TRIML2: variants seen among roughly 807,000 people sequenced by gnomAD.
TRIML2 encodes tripartite motif family like 2.
In TRIML2, 28 loss-of-function variants were observed where a neutral mutation model predicts 31.2. That is an observed-to-expected ratio of 0.90 (90% CI 0.66 to 1.23). The LOEUF (loss-of-function observed/expected upper bound fraction) is 1.23. Ranked by LOEUF, TRIML2 falls within the 50% of genes most tolerant of loss-of-function variation. The pLI, the probability that TRIML2 is intolerant of heterozygous loss-of-function variation, is 0.00. For synonymous variants in TRIML2, 187 were observed against 197.5 expected, an observed-to-expected ratio of 0.95 and a Z score of 0.45; for missense variants, 536 against 528.3, an observed-to-expected ratio of 1.01 and a Z score of -0.14.
At chr4:188,100,746 C>T (rs1026774658) in intron 4 of TRIML2, among the ~76,000 whole-genome samples, 9 of 152,104 alleles carry the variant, frequency 5.9e-5, no homozygotes, top group African/African-American at 2.2e-4. Context: ...GAATTCTAAA[C>T]CATGGCTCTA....
chr4:188,093,893 G>A (rs1733379895), intron 7 of TRIML2, among the ~76,000 whole-genome samples: 1 of 151,402 alleles, frequency 6.6e-6, no homozygotes, highest in African/African-American at 2.4e-5. Flanking sequence ...TCACGAGGTT[G>A]GGAGTTCGAG....
chr4:188,102,239 A>G (rs1350017542), intron 3 of TRIML2, among the ~76,000 whole-genome samples: 1 of 151,882 alleles, frequency 6.6e-6, no homozygotes, highest in Non-Finnish European at 1.5e-5. Context: ...GGCCAATGGG[A>G]TTTGCTGATG....
chr4:188,093,698 G>A (rs10780075), intron 7 of TRIML2, among the ~76,000 whole-genome samples: 22,148 of 151,878 alleles, frequency 0.15, 2,342 homozygotes, highest in East Asian at 0.56. Flanking sequence ...AACAACAGGA[G>A]TATCTCAAGA....
chr4:188,104,795 C>T, intron 3 of TRIML2, 42 bp downstream of exon 3: 1 of 1,441,518 alleles, frequency 6.9e-7, no homozygotes, highest in Non-Finnish European at 9.8e-7. Flanking sequence ...AACAACATTA[C>T]TGGTAATTTC....
At position 188,102,985 on chromosome 4, in the gene TRIML2, C is replaced by A. The variant is rs569874928; in HGVS notation, c.286-1735G>T. 1.2e-4 allele frequency among the ~76,000 whole-genome samples: 18 copies of A among 151,574 alleles called. 1 individual carries two copies. The highest frequency in any genetic ancestry group is 4.4e-4 in the African/African-American group (18 of 41,374). ...GCAAGTCCCTTTGCACGTCTCTCCA[C>A]CTCTGCTTTTACTCTCTTGGTTTTT... On this transcript the variant is annotated intron_variant, in intron 3 of 7. Coordinates refer to ENST00000682553, the MANE Select transcript of TRIML2 (RefSeq NM_173553.4).
chr4:188,102,804 G>A (rs527722112), intron 3 of TRIML2, among the ~76,000 whole-genome samples: 4 of 148,980 alleles, frequency 2.7e-5, no homozygotes, highest in Non-Finnish European at 5.9e-5. Flanking sequence ...AGCCGAGATC[G>A]CGTCACTGAA....
intron 7 of TRIML2, chr4:188,092,918 A>G (rs986838413): frequency 4.4e-6 from 2 of 456,268 alleles, no homozygotes; most frequent in Non-Finnish European, 8.8e-6. Context: ...TGGTCCTGGG[A>G]CTTCTTCTTT....
intron 1 of TRIML2, chr4:188,106,573 C>G (rs935447192): frequency 6.5e-6 from 1 of 154,906 alleles, no homozygotes; most frequent in Non-Finnish European, 1.4e-5. Flanking sequence ...GTTCTTGGTC[C>G]GCGCCCCGGA....
At chr4:188,100,954 A>T in intron 4 of TRIML2, 102 bp downstream of exon 4, 1 of 1,030,544 alleles carries the variant, frequency 9.7e-7, no homozygotes, top group Admixed American at 2.8e-5. Flanking sequence ...CATTTAATAC[A>T]TGTGTGGTTG....
intron 3 of TRIML2, among the ~76,000 whole-genome samples, chr4:188,103,260 A>G (rs1390594540): frequency 6.6e-6 from 1 of 152,040 alleles, no homozygotes. Context: ...TCGGCCTCCC[A>G]AAGTGCTGGG....
chr4:188,101,587 G>A (rs893971617), intron 3 of TRIML2, among the ~76,000 whole-genome samples: 6 of 151,840 alleles, frequency 4.0e-5, no homozygotes, highest in East Asian at 2.0e-4. Context: ...CCAGCTACTC[G>A]GAAGGCTAAG....
At chr4:188,101,380 T>C (rs1733781081) in intron 3 of TRIML2, 130 bp from the exon 4 acceptor site, 2 of 489,454 alleles carry the variant, frequency 4.1e-6, no homozygotes, top group East Asian at 3.4e-5. Flanking sequence ...CAATGTATTC[T>C]TTCCATCTCT....
chr4:188,099,342 G>T (rs1043430445), intron 4 of TRIML2, among the ~76,000 whole-genome samples, 167 bp from the exon 5 acceptor site: 2 of 152,130 alleles, frequency 1.3e-5, no homozygotes, highest in Admixed American at 1.3e-4. Flanking sequence ...CAAGGCCGGC[G>T]GATCATGAGG....
intron 1 of TRIML2, among the ~76,000 whole-genome samples, chr4:188,107,545 A>T (rs1339865621): frequency 1.3e-5 from 2 of 152,210 alleles, no homozygotes; most frequent in Non-Finnish European, 2.9e-5. Flanking sequence ...CAGTTTCCCA[A>T]GCACAAAAGT....
intron 4 of TRIML2, among the ~76,000 whole-genome samples, chr4:188,099,458 G>T (rs1733676054): frequency 6.6e-6 from 1 of 152,050 alleles, no homozygotes; most frequent in Non-Finnish European, 1.5e-5. Context: ...CAGCTACTCA[G>T]GAGGCTGAGG....
At position 188,091,931 on chromosome 4, in the gene TRIML2, T is replaced by A; in HGVS notation, c.756A>T (p.Thr252=). Residue 252 remains threonine (T), a synonymous_variant, in exon 8 of 8, where the codon ACA becomes ACT. Coordinates refer to ENST00000682553, the MANE Select transcript of TRIML2 (RefSeq NM_173553.4). The stretch of plus-strand genomic sequence containing the variant: ...AGGGATGAGCTGTTTCAGGATCCAA[T>A]GTTAAATGTCCTATCAGGAGAGAAA... ...SMFRVLQRHL[T]LDPETAHPCL... is the part of the protein sequence containing the mutation. 1 of 1,609,256 alleles carries A rather than the reference T, an allele frequency of 6.2e-7. No individual in the cohort carries two copies. The highest frequency in any genetic ancestry group is 1.1e-5 in the South Asian group (1 of 91,062).
intron 1 of TRIML2, chr4:188,105,925 C>T: frequency 6.6e-6 from 1 of 152,540 alleles, no homozygotes; most frequent in South Asian, 2.1e-4. Flanking sequence ...CCACGGCTCA[C>T]TGCAGCCTCT....
rs772167019 is a variant in TRIML2 at position 188,091,582 on chromosome 4, T to C, written c.1105A>G (p.Thr369Ala). 2 of 1,614,006 alleles carry C rather than the reference T, an allele frequency of 1.2e-6. No homozygotes were observed. Among genetic ancestry groups the C allele is most frequent in the Non-Finnish European group, 1.7e-6 (2 of 1,180,022 alleles). ...KRLFLEKKLD[T>A]VGVFLDCEHG... Reference sequence around the variant, plus strand: ...TCGCAGTCAAGGAAAACGCCAACTGTGTCCAACTTCTTTTCCAGGAAGAGC... The same window carrying C: ...TCGCAGTCAAGGAAAACGCCAACTGCGTCCAACTTCTTTTCCAGGAAGAGC... The change falls in exon 8 of 8, where the codon ACA (threonine) becomes GCA (alanine). Residue 369 changes from threonine to alanine, a missense_variant. Transcript: ENST00000682553.
Position 188,099,134 on chromosome 4 carries a change from C to T in TRIML2, c.522G>A (p.Lys174=). 6.2e-7 allele frequency: 1 copy of T among 1,613,478 alleles called. No individual in the cohort carries two copies. Among genetic ancestry groups the T allele is most frequent in the African/African-American group, 1.3e-5 (1 of 74,990 alleles). The change falls in exon 5 of 8, where the codon AAG becomes AAA. Residue 174 remains lysine (K), a synonymous_variant. Coordinates refer to ENST00000682553, the MANE Select transcript of TRIML2 (RefSeq NM_173553.4). ...GTTCAGAAGCCCTGGCTTCACTCTC[C>T]TTCAGTTTCTCCATGTTCTCTCTCC... is the stretch of plus-strand genomic sequence containing the variant. ...RVGRENMEKL[K]ESEARASEQV...
Sources: gnomAD v4.1 joint callset for allele counts (sites outside exome capture counted in the v4.1 genomes callset) on GRCh38, gnomAD v4.1.1 for gene constraint, MANE v1.5 for transcripts, NCBI Gene and HGNC (gene_info 2026-07-23, HGNC 2026-07-21) for gene names.